Variants in OSBP2 observed in about 807,000 individuals in gnomAD.
OSBP2 encodes the protein oxysterol binding protein 2.
A neutral mutation model predicts 96.0 loss-of-function variants in OSBP2; 66 were observed. The observed-to-expected ratio is 0.69, with a 90% CI of 0.56 to 0.84. The LOEUF (loss-of-function observed/expected upper bound fraction) is 0.84, where lower values mean the gene tolerates loss of function less well. Ranked by LOEUF, OSBP2 falls within the 40% of genes least tolerant of loss-of-function variation. OSBP2 has a pLI of 0.00. For synonymous variants in OSBP2, 525 were observed against 520.9 expected (o/e 1.01, Z -0.11); for missense variants, 1,038 against 1,222.7 (o/e 0.85, Z 2.25).
intron 1 of OSBP2, among the ~76,000 whole-genome samples, chr22:30,703,153 A>C (rs916985927): frequency 3.3e-5 from 5 of 151,750 alleles, no homozygotes; most frequent in Admixed American, 6.6e-5. Context: ...TAGGCTACTC[A>C]GTGAACCAGT....
chr22:30,901,702 TA>T (rs2040199780), intron 12 of OSBP2, among the ~76,000 whole-genome samples: 3 of 151,760 alleles, frequency 2.0e-5, no homozygotes, highest in African/African-American at 7.3e-5. Context: ...CTGTCTCTAC[TA>T]AAAATATAAA....
At chr22:30,851,839 C>G (rs1400801935) in intron 2 of OSBP2, among the ~76,000 whole-genome samples, 1 of 152,012 alleles carries the variant, frequency 6.6e-6, no homozygotes, top group Non-Finnish European at 1.5e-5. Context: ...CTCCTTCTTC[C>G]TAGTTTTCTG....
At chr22:30,818,655 T>C (rs543380570) in intron 2 of OSBP2, among the ~76,000 whole-genome samples, 1 of 152,302 alleles carries the variant, frequency 6.6e-6, no homozygotes, top group Admixed American at 6.5e-5. Flanking sequence ...TGAATATTAT[T>C]TGTTGAATGT....
Position 30,824,287 on chromosome 22 carries a change from A to T in OSBP2, c.854-46142A>T, listed in dbSNP as rs1324800647. Among the ~76,000 whole-genome samples, 3 of 152,204 alleles carry T rather than the reference A, an allele frequency of 2.0e-5. No homozygotes were observed. In the East Asian group the frequency reaches 5.8e-4, roughly 29 times the overall value. On this transcript the variant is annotated intron_variant, in intron 2 of 13. Transcript: ENST00000332585. ...CTCAGGAAGTTGTGTGTTGGTGGGC[A>T]CTGTGCTTAGAACAGGGCCTGGAGC... is the stretch of plus-strand genomic sequence containing the variant.
upstream of OSBP2, chr22:30,693,922 G>A (rs191754938): frequency 1.9e-4 from 140 of 724,028 alleles, 1 homozygote; most frequent in East Asian, 3.4e-3. Context: ...CCAAGATCAC[G>A]CCACTGCATT....
At chr22:30,851,734 ATTTAT>A (rs2038982162) in intron 2 of OSBP2, among the ~76,000 whole-genome samples, 1 of 152,088 alleles carries the variant, frequency 6.6e-6, no homozygotes. Flanking sequence ...AATAAGGAAA[ATTTAT>A]TTTAGAGAAA....
At position 30,731,470 on chromosome 22, in the gene OSBP2, A is replaced by G. The variant is rs192431311; in HGVS notation, c.645-9691A>G. The stretch of plus-strand genomic sequence containing the variant: ...ATCTGACCTGTTCTTTTCATATCCT[A>G]TTTTCCACGGTGGCATTTCATACAA... On this transcript the variant is annotated intron_variant, in intron 1 of 13. Transcript: ENST00000332585. 32 of 152,514 alleles carry G rather than the reference A, an allele frequency of 2.1e-4. 2 individuals are homozygous for G. The highest frequency in any genetic ancestry group is 1.4e-3 in the Admixed American group (22 of 15,256). 9.4% of individuals were successfully genotyped at this position (152,514 alleles called of 1,614,324 possible).
chr22:30,831,620 T>C (rs73154674), intron 2 of OSBP2, among the ~76,000 whole-genome samples: 9,623 of 152,126 alleles, frequency 0.063, 328 homozygotes, highest in Non-Finnish European at 0.079. Flanking sequence ...TTATTAAGAA[T>C]TTCAAGACAG....
At chr22:30,730,434 C>T (rs1008985480) in intron 1 of OSBP2, among the ~76,000 whole-genome samples, 3 of 152,068 alleles carry the variant, frequency 2.0e-5, no homozygotes, top group Non-Finnish European at 2.9e-5. Flanking sequence ...TTGTCATTTA[C>T]AGGCCTGTGT....
At chr22:30,905,542 A>G (rs1235557108) in intron 12 of OSBP2, among the ~76,000 whole-genome samples, 4 of 152,188 alleles carry the variant, frequency 2.6e-5, no homozygotes, top group African/African-American at 9.6e-5. Flanking sequence ...AAAAGAAGAA[A>G]AGCCAAGAAA....
chr22:30,806,414 G>C (rs574558672), intron 2 of OSBP2, among the ~76,000 whole-genome samples: 65 of 152,304 alleles, frequency 4.3e-4, no homozygotes, highest in Non-Finnish European at 7.1e-4. Flanking sequence ...CTGGTGTCAG[G>C]TACCTTCCCT....
intron 8 of OSBP2, 101 bp downstream of exon 8, chr22:30,891,074 C>A: frequency 7.1e-7 from 1 of 1,404,432 alleles, no homozygotes; most frequent in Non-Finnish European, 9.7e-7. Flanking sequence ...GTCTGTCTGA[C>A]CCTGACTGCC....
chr22:30,715,387 G>C (rs916868969), intron 1 of OSBP2, among the ~76,000 whole-genome samples: 2 of 138,102 alleles, frequency 1.4e-5, no homozygotes, highest in African/African-American at 5.4e-5. Flanking sequence ...TTTTTGGCCA[G>C]GGAGGAGGGG....
In OSBP2 at chr22:30,906,371, C is replaced by T; in HGVS notation, c.*32C>T. On this transcript the variant is annotated 3_prime_UTR_variant, in exon 14 of 14. Coordinates refer to ENST00000332585, the MANE Select transcript of OSBP2 (RefSeq NM_030758.4). Reference sequence around the variant, plus strand: ...CCCTTGCAACAAATACAGGCGCCTGCACAGCCTGGCCCACCTGTTCATTAA... The same window carrying T: ...CCCTTGCAACAAATACAGGCGCCTGTACAGCCTGGCCCACCTGTTCATTAA... The T allele has an allele frequency of 6.4e-7, 1 of 1,563,448 alleles. No individual in the cohort carries two copies. Among genetic ancestry groups the T allele is most frequent in the South Asian group, 1.2e-5 (1 of 82,236 alleles).
At chr22:30,840,812 GT>G (rs112395064) in intron 2 of OSBP2, among the ~76,000 whole-genome samples, 82 of 146,536 alleles carry the variant, frequency 5.6e-4, no homozygotes, top group Middle Eastern at 3.6e-3. Context: ...TAGTTTTAGT[GT>G]TTTTTTTTTT....
intron 12 of OSBP2, chr22:30,902,535 G>T (rs2040237093): frequency 1.4e-6 from 2 of 1,385,186 alleles, no homozygotes; most frequent in Non-Finnish European, 2.0e-6. Context: ...AGGAGGCAGG[G>T]GAGGTAGTCA....
At chr22:30,777,327 C>T (rs1056056794) in intron 2 of OSBP2, among the ~76,000 whole-genome samples, 4 of 152,192 alleles carry the variant, frequency 2.6e-5, no homozygotes, top group Middle Eastern at 3.4e-3. Flanking sequence ...ATCATGGGAA[C>T]GGGTCTTTCC....
intron 1 of OSBP2, among the ~76,000 whole-genome samples, chr22:30,721,766 T>C (rs569321261): frequency 6.6e-6 from 1 of 152,324 alleles, no homozygotes; most frequent in South Asian, 2.1e-4. Flanking sequence ...ACATTTAAAT[T>C]TATAATTGGC....
At chr22:30,841,885 C>G (rs2038760100) in intron 2 of OSBP2, among the ~76,000 whole-genome samples, 1 of 152,080 alleles carries the variant, frequency 6.6e-6, no homozygotes, top group African/African-American at 2.4e-5. Flanking sequence ...ACCTGTAATC[C>G]TGACTACTTG....
Sources: allele counts gnomAD v4.1 joint callset (sites outside exome capture counted in the v4.1 genomes callset), GRCh38; gene constraint gnomAD v4.1.1; transcripts MANE v1.5; gene names NCBI Gene and HGNC (gene_info 2026-07-23, HGNC 2026-07-21).